The following BRINP3 variants were observed in gnomAD, a reference collection of about 807,000 sequenced individuals.
BRINP3 encodes BMP/retinoic acid-inducible neural-specific protein 3.
In BRINP3, 19 loss-of-function variants were observed where a neutral mutation model predicts 71.0. The ratio of observed to expected loss-of-function variants is 0.27; its 90% CI spans 0.19 to 0.39. The LOEUF is 0.39. Ranked by LOEUF, BRINP3 falls within the 10% of genes least tolerant of loss-of-function variation. The pLI is 1.00. For synonymous variants in BRINP3, 380 were observed against 337.7 expected, an observed-to-expected ratio of 1.13 and a Z score of -1.37; for missense variants, 959 against 940.8, an observed-to-expected ratio of 1.02 and a Z score of -0.25.
In BRINP3 at chr1:190,280,528, T is replaced by C. The variant is rs553245423; in HGVS notation, c.427+1032A>G. Among the ~76,000 whole-genome samples, 3 of 151,920 alleles carry C rather than the reference T, an allele frequency of 2.0e-5. No homozygotes were observed. In the South Asian group the frequency reaches 6.2e-4, roughly 32 times the overall value. Reference sequence around the variant, plus strand: ...GAGCAGGTGAGGAAAGAGTTTGATATGGGGTATATTCTGGTGTAAAAAATT... The same window carrying C: ...GAGCAGGTGAGGAAAGAGTTTGATACGGGGTATATTCTGGTGTAAAAAATT... On this transcript the variant is annotated intron_variant, in intron 3 of 7. Transcript: ENST00000367462.
In BRINP3 at chr1:190,263,612, C is replaced by T. The variant is rs978420491; in HGVS notation, c.618+1253G>A. On this transcript the variant is annotated intron_variant, in intron 4 of 7. Transcript: ENST00000367462. ...CTTTTTTTTTTTTTTTTTTTTGAAACAGAGTCTCGCTCTGTCGCCCAGACT... is the reference window on the plus strand; with the variant it reads ...CTTTTTTTTTTTTTTTTTTTTGAAATAGAGTCTCGCTCTGTCGCCCAGACT... Among the ~76,000 whole-genome samples the T allele has an allele frequency of 1.4e-4, 14 of 99,726 alleles. 1 individual carries two copies. The highest frequency in any genetic ancestry group is 3.9e-4 in the Admixed American group (3 of 7,784). 65.4% of individuals were successfully genotyped at this position (99,726 alleles called of 152,430 possible). A position where few individuals can be genotyped will look rare whatever the true frequency, so the allele number is the denominator to read the frequency against.
intron 2 of BRINP3, among the ~76,000 whole-genome samples, chr1:190,405,214 G>A (rs558323764): frequency 3.9e-5 from 6 of 151,948 alleles, no homozygotes; most frequent in Middle Eastern, 3.2e-3. Context: ...CACTTTGGGA[G>A]GCCGAGGCGG....
chr1:190,114,782 C>T (rs1003597874), intron 7 of BRINP3, among the ~76,000 whole-genome samples: 41 of 152,264 alleles, frequency 2.7e-4, no homozygotes, highest in African/African-American at 9.6e-4. Flanking sequence ...TCCACTACAG[C>T]TTCACTGGTC....
intron 2 of BRINP3, among the ~76,000 whole-genome samples, chr1:190,437,608 A>G (rs1396152422): frequency 6.6e-6 from 1 of 151,890 alleles, no homozygotes; most frequent in East Asian, 1.9e-4. Flanking sequence ...ACTCACGTGC[A>G]GTGGTAAGAA....
chr1:190,447,011 T>C (rs2102590368), intron 2 of BRINP3, among the ~76,000 whole-genome samples: 1 of 152,012 alleles, frequency 6.6e-6, no homozygotes, highest in East Asian at 1.9e-4. Context: ...AAGTTCTGTC[T>C]TCCATGTATT....
chr1:190,163,017 T>C (rs1162693893), intron 6 of BRINP3, among the ~76,000 whole-genome samples: 2 of 152,154 alleles, frequency 1.3e-5, no homozygotes, highest in Non-Finnish European at 2.9e-5. Context: ...TATTTTCAGA[T>C]GTTAAAACTA....
intron 2 of BRINP3, among the ~76,000 whole-genome samples, chr1:190,300,137 CAG>C (rs1403790373): frequency 6.6e-6 from 1 of 152,122 alleles, no homozygotes; most frequent in African/African-American, 2.4e-5. Flanking sequence ...TAATATCCTG[CAG>C]AGTGTTTTCC....
chr1:190,109,849 TGA>T (rs1652516790), intron 7 of BRINP3, among the ~76,000 whole-genome samples: 1 of 152,222 alleles, frequency 6.6e-6, no homozygotes, highest in African/African-American at 2.4e-5. Flanking sequence ...AGCCTCAGAC[TGA>T]GAGTTACACT....
intron 7 of BRINP3, among the ~76,000 whole-genome samples, chr1:190,144,527 A>G (rs1460993638): frequency 6.6e-6 from 1 of 152,128 alleles, no homozygotes; most frequent in East Asian, 1.9e-4. Flanking sequence ...ATATTTTAAT[A>G]ATTAAATTAG....
chr1:190,231,652 T>C (rs1470946638), intron 5 of BRINP3, among the ~76,000 whole-genome samples: 1 of 151,934 alleles, frequency 6.6e-6, no homozygotes, highest in Non-Finnish European at 1.5e-5. Context: ...TATTTTCTTA[T>C]AACTACTTTT....
At chr1:190,145,842 T>C (rs932090295) in intron 7 of BRINP3, among the ~76,000 whole-genome samples, 1 of 152,160 alleles carries the variant, frequency 6.6e-6, no homozygotes, top group African/African-American at 2.4e-5. Flanking sequence ...CATACATATA[T>C]ACACACATAC....
At chr1:190,468,679 A>T (rs537855361) in intron 1 of BRINP3, among the ~76,000 whole-genome samples, 22 of 151,232 alleles carry the variant, frequency 1.5e-4, no homozygotes, top group South Asian at 1.2e-3. Context: ...ACTTTGATAT[A>T]AAAGTTCTCA....
At chr1:190,374,504 A>G (rs558741408) in intron 2 of BRINP3, among the ~76,000 whole-genome samples, 1 of 152,256 alleles carries the variant, frequency 6.6e-6, no homozygotes, top group East Asian at 1.9e-4. Flanking sequence ...AGGCATCAAA[A>G]ATATCAATAT....
intron 6 of BRINP3, among the ~76,000 whole-genome samples, chr1:190,196,498 A>G (rs1654491376): frequency 6.6e-6 from 1 of 152,108 alleles, no homozygotes; most frequent in African/African-American, 2.4e-5. Flanking sequence ...AACAGTTATA[A>G]TAACAGTTTC....
intron 2 of BRINP3, among the ~76,000 whole-genome samples, chr1:190,349,844 T>C (rs1668258499): frequency 6.6e-6 from 1 of 152,170 alleles, no homozygotes; most frequent in African/African-American, 2.4e-5. Flanking sequence ...TACCATTAGA[T>C]ATGCCTAATT....
At chr1:190,162,719 T>C (rs987990318) in intron 6 of BRINP3, among the ~76,000 whole-genome samples, 1 of 152,186 alleles carries the variant, frequency 6.6e-6, no homozygotes, top group Non-Finnish European at 1.5e-5. Context: ...TTTAAATTCA[T>C]AAATTTTATT....
At chr1:190,195,928 T>C (rs1654438780) in intron 6 of BRINP3, among the ~76,000 whole-genome samples, 2 of 152,102 alleles carry the variant, frequency 1.3e-5, no homozygotes, top group South Asian at 4.1e-4. Context: ...AGCTACACAT[T>C]ATCAAAAACC....
chr1:190,159,930 C>A (rs1428721222), intron 7 of BRINP3, among the ~76,000 whole-genome samples: 1 of 151,854 alleles, frequency 6.6e-6, no homozygotes, highest in African/African-American at 2.4e-5. Flanking sequence ...TCACAGAGTT[C>A]TCATCTTAAT....
chr1:190,466,847 G>A (rs908150521), intron 1 of BRINP3, among the ~76,000 whole-genome samples: 2 of 151,182 alleles, frequency 1.3e-5, no homozygotes, highest in African/African-American at 2.4e-5. Context: ...AAATAAATTT[G>A]TAAATAAAAC....
Sources: allele counts gnomAD v4.1 joint callset (sites outside exome capture counted in the v4.1 genomes callset), GRCh38; gene constraint gnomAD v4.1.1; transcripts MANE v1.5; gene names NCBI Gene and HGNC (gene_info 2026-07-23, HGNC 2026-07-21).